PPP2R5C: variants seen among roughly 807,000 people sequenced by gnomAD.
PPP2R5C encodes serine/threonine-protein phosphatase 2A 56 kDa regulatory subunit gamma isoform.
PPP2R5C carries 7 observed loss-of-function variants against 68.9 expected under a neutral mutation model. That is an observed-to-expected ratio of 0.10 (90% confidence interval 0.06 to 0.19). PPP2R5C has a LOEUF of 0.19. Ranked by LOEUF, PPP2R5C falls within the 10% of genes least tolerant of loss-of-function variation. The probability of loss-of-function intolerance (pLI) is 1.00; values close to 1 mark genes in which losing one functional copy is unlikely to be tolerated. For synonymous variants in PPP2R5C, 210 were observed against 222.2 expected (o/e 0.95, Z 0.49); for missense variants, 348 against 641.3 (o/e 0.54, Z 4.94).
intron 2 of PPP2R5C, among the ~76,000 whole-genome samples, chr14:101,862,816 A>ATTTTT (rs71116853): frequency 1.6e-5 from 2 of 127,238 alleles, no homozygotes; most frequent in African/African-American, 5.9e-5. Flanking sequence ...GACATGATGG[A>ATTTTT]TTTTTTTTTT....
chr14:101,888,090 T>C lies in PPP2R5C; in HGVS notation c.630-2147T>C, dbSNP rs2044640808. Among the ~76,000 whole-genome samples, 1 of 152,146 alleles carries C rather than the reference T, an allele frequency of 6.6e-6. No homozygotes were observed. Among genetic ancestry groups the C allele is most frequent in the Admixed American group, 6.5e-5 (1 of 15,282 alleles). ...ATCAGTAAGAATGTAGTAATGTTGA[T>C]TTAGGAAAACAAAATGGCTTATAAC... On this transcript the variant is annotated intron_variant, in intron 5 of 13. Coordinates refer to ENST00000334743, the Ensembl canonical transcript of PPP2R5C. The surrounding 1 kb of genome is among the most constrained non-coding windows in gnomAD (Gnocchi z 5.6).
rs776246830 is a variant in PPP2R5C, at chr14:101,894,486, CTTT to C, written c.799-20_799-18del. The C allele has an allele frequency of 6.2e-6, 10 of 1,610,874 alleles. No individual in the cohort carries two copies. Among genetic ancestry groups the C allele is most frequent in the Non-Finnish European group, 7.6e-6 (9 of 1,177,208 alleles). Reference sequence around the variant, plus strand: ...ATTTTTATGTTGAAATGTTAATGCTCTTTCTCCTTTTACTTTTTAGCTGGCATA... The same window carrying C: ...ATTTTTATGTTGAAATGTTAATGCTCCTCCTTTTACTTTTTAGCTGGCATA... On this transcript the variant is annotated intron_variant, in intron 7 of 13. Transcript: ENST00000334743.
At chr14:101,824,001 A>G (rs1360711896) in intron 1 of PPP2R5C, 7 of 1,289,144 alleles carry the variant, frequency 5.4e-6, no homozygotes, top group East Asian at 1.1e-4. Context: ...TGAGCCTTAC[A>G]TTGTCTCACT....
At chr14:101,765,102 G>A in intron 2 of PPP2R5C, 1 of 700,870 alleles carries the variant, frequency 1.4e-6, no homozygotes, top group Non-Finnish European at 2.6e-6. Context: ...CTGCGGTGTG[G>A]CCTGCAGTGC....
chr14:101,787,873 A>G (rs1336658150), intron 3 of PPP2R5C, among the ~76,000 whole-genome samples: 3 of 151,758 alleles, frequency 2.0e-5, no homozygotes, highest in Admixed American at 2.0e-4. Flanking sequence ...ATGCTAAGTC[A>G]TTTTTTATTA....
intron 3 of PPP2R5C, among the ~76,000 whole-genome samples, chr14:101,786,538 T>C (rs931916728): frequency 6.6e-6 from 1 of 152,222 alleles, no homozygotes; most frequent in African/African-American, 2.4e-5. Flanking sequence ...CGAAAGGAAT[T>C]ACTCCAAGTA....
chr14:101,850,781 A>G (rs1283277954), intron 1 of PPP2R5C, among the ~76,000 whole-genome samples: 1 of 152,222 alleles, frequency 6.6e-6, no homozygotes, highest in Non-Finnish European at 1.5e-5. Context: ...CATTTCAAAA[A>G]GTGGCATGTG....
intron 1 of PPP2R5C, among the ~76,000 whole-genome samples, chr14:101,810,725 T>C (rs905036257): frequency 1.3e-5 from 2 of 152,222 alleles, no homozygotes; most frequent in Admixed American, 1.3e-4. Flanking sequence ...GTTTTCAAGG[T>C]ATATAGAGAT....
chr14:101,784,279 T>C (rs1353884483), intron 2 of PPP2R5C, among the ~76,000 whole-genome samples: 1 of 152,184 alleles, frequency 6.6e-6, no homozygotes, highest in Non-Finnish European at 1.5e-5. Context: ...GTGTGTCTGC[T>C]CTCCTTGGCC....
chr14:101,817,296 TATC>T (rs1049508477), intron 1 of PPP2R5C, among the ~76,000 whole-genome samples: 5 of 152,184 alleles, frequency 3.3e-5, no homozygotes, highest in Non-Finnish European at 5.9e-5. Context: ...TTCGCTCTCT[TATC>T]ATTTCAATAT....
At chr14:101,856,630 A>G in intron 1 of PPP2R5C, 56 bp from the exon 4 acceptor site, 1 of 1,465,142 alleles carries the variant, frequency 6.8e-7, no homozygotes, top group Non-Finnish European at 9.5e-7. Flanking sequence ...TGTGTTTCAC[A>G]ATAACTTTGG....
chr14:101,874,268 G>A (rs2043609257), intron 2 of PPP2R5C, among the ~76,000 whole-genome samples: 1 of 152,202 alleles, frequency 6.6e-6, no homozygotes, highest in Admixed American at 6.5e-5. Context: ...CTATGCTAAA[G>A]CATTACTAAA....
At chr14:101,857,142 A>G (rs1485892989) in intron 2 of PPP2R5C, among the ~76,000 whole-genome samples, 1 of 152,244 alleles carries the variant, frequency 6.6e-6, no homozygotes, top group Non-Finnish European at 1.5e-5. Context: ...CAACTACCCT[A>G]TGGAGTAGAA....
In PPP2R5C at chr14:101,797,169, T is replaced by C. The variant is rs975253711; in HGVS notation, c.259+10986T>C. On this transcript the variant is annotated intron_variant, in intron 3 of 14. Coordinates refer to the PPP2R5C transcript ENST00000328724. The surrounding 1 kb of genome is among the most constrained non-coding windows in gnomAD (Gnocchi z 4.2). ...GAAGCGGAATCGTACAGTATCTGTC[T>C]TTCTGTGCCTGGCTTATTTCCCTAA... The C allele has an allele frequency of 8.8e-6, 4 of 455,960 alleles. No individual in the cohort carries two copies. Among genetic ancestry groups the C allele is most frequent in the African/African-American group, 8.0e-5 (4 of 50,066 alleles). The allele number at this position is 455,960 out of a possible 1,614,324, so 28.2% of individuals were successfully genotyped here.
At chr14:101,874,411 G>A (rs765558312) in intron 2 of PPP2R5C, among the ~76,000 whole-genome samples, 16 of 152,120 alleles carry the variant, frequency 1.1e-4, no homozygotes, top group Non-Finnish European at 1.8e-4. Flanking sequence ...GAAATTTTTC[G>A]TAATAAAAAC....
At chr14:101,858,515 GT>G (rs113313348) in intron 2 of PPP2R5C, among the ~76,000 whole-genome samples, 2 of 148,252 alleles carry the variant, frequency 1.3e-5, no homozygotes, top group African/African-American at 2.5e-5. Context: ...TTTGTTTTTT[GT>G]TTTTTTTTAT....
intron 13 of PPP2R5C, 143 bp from the exon 16 acceptor site, chr14:101,924,998 C>A (rs560146846): frequency 2.2e-6 from 2 of 912,640 alleles, no homozygotes; most frequent in Non-Finnish European, 3.4e-6. Context: ...AAGACCTACG[C>A]CGTTTCCCTG....
chr14:101,794,563 T>TA (rs1171838407), intron 3 of PPP2R5C, among the ~76,000 whole-genome samples: 1 of 152,178 alleles, frequency 6.6e-6, no homozygotes, highest in East Asian at 1.9e-4. Flanking sequence ...GGGATCCTGT[T>TA]ACATTTTGCA....
At position 101,909,698 on chromosome 14, in the gene PPP2R5C, G is replaced by A; in HGVS notation, c.1253+8G>A. 6.4e-7 allele frequency: 1 copy of A among 1,562,860 alleles called. No homozygotes were observed. The highest frequency in any genetic ancestry group is 8.8e-7 in the Non-Finnish European group (1 of 1,136,774). ...CAAAGCAGAGAAACTAAAGTGAGTT[G>A]TTCCTTTCACAAGTTACTGTTTCCA... On this transcript the variant is annotated splice_region_variant and intron_variant, in intron 11 of 13. Transcript: ENST00000334743.
Sources: allele counts gnomAD v4.1 joint callset (sites outside exome capture counted in the v4.1 genomes callset), GRCh38; gene constraint gnomAD v4.1.1; non-coding constraint Gnocchi (gnomAD v3.1); transcripts MANE v1.5; gene names NCBI Gene and HGNC (gene_info 2026-07-23, HGNC 2026-07-21).